Variants in ANK3 observed in about 807,000 individuals in gnomAD.
ANK3 encodes the protein ankyrin-3.
Under a neutral mutation model 370.9 loss-of-function variants are expected in ANK3, and 57 were observed. The observed-to-expected ratio is 0.15, with a 90% CI of 0.12 to 0.19. The LOEUF is 0.19. Ranked by LOEUF, ANK3 falls within the 10% of genes least tolerant of loss-of-function variation. ANK3 has a pLI of 1.00. For synonymous variants in ANK3, 1,929 were observed against 1,946.3 expected (o/e 0.99, Z 0.23); for missense variants, 4,439 against 5,302.1 (o/e 0.84, Z 5.06).
chr10:60,448,481 T>C (rs1443756592), intron 2 of ANK3, among the ~76,000 whole-genome samples: 3 of 152,236 alleles, frequency 2.0e-5, no homozygotes, highest in Non-Finnish European at 4.4e-5. Flanking sequence ...TGCATTTTAC[T>C]GACATTTATT....
intron 1 of ANK3, among the ~76,000 whole-genome samples, chr10:60,339,857 G>C (rs1391458918): frequency 6.6e-6 from 1 of 152,128 alleles, no homozygotes; most frequent in Non-Finnish European, 1.5e-5. Flanking sequence ...CTGTTTCCCA[G>C]CTCTCTGCCA....
rs534909222 is a variant in ANK3, at chr10:60,256,169, G to A, written c.798+5690C>T. On this transcript the variant is annotated intron_variant, in intron 7 of 43. Transcript: ENST00000280772. ...TCCTATTCAGCATTATAGCCTAGAT[G>A]CAGCTATGCTTTGGGGACTTACGGG... 2.0e-5 allele frequency among the ~76,000 whole-genome samples: 3 copies of A among 152,356 alleles called. No homozygotes were observed. In the South Asian group the frequency reaches 6.2e-4, roughly 32 times the overall value.
rs1266609015 is a variant in ANK3 at position 60,028,814 on chromosome 10, C to CAGAT, written c.*1028_*1031dup. 1 of 152,340 alleles carries CAGAT rather than the reference C, an allele frequency of 6.6e-6. No homozygotes were observed. The highest frequency in any genetic ancestry group is 1.9e-4 in the East Asian group (1 of 5,174). The allele number at this position is 152,340 out of a possible 1,614,324, so 9.4% of individuals were successfully genotyped here. On this transcript the variant is annotated 3_prime_UTR_variant, in exon 44 of 44. Transcript: ENST00000280772. Reference sequence around the variant, plus strand: ...GCATTTACCCCCTTTTAAGCACTAACAGATAGCATCCCCCCACCCCCTAAA... The same window carrying CAGAT: ...GCATTTACCCCCTTTTAAGCACTAACAGATAGATAGCATCCCCCCACCCCCTAAA...
intron 1 of ANK3, among the ~76,000 whole-genome samples, chr10:60,384,391 G>A (rs552698525): frequency 1.3e-5 from 2 of 152,176 alleles, no homozygotes; most frequent in Admixed American, 6.5e-5. Flanking sequence ...AAAGCCTGTC[G>A]TTTAAAGTTT....
At chr10:60,103,558 T>C (rs2091680240) in intron 28 of ANK3, among the ~76,000 whole-genome samples, 1 of 151,960 alleles carries the variant, frequency 6.6e-6, no homozygotes, top group African/African-American at 2.4e-5. Context: ...TTTGGGGATA[T>C]GAAAAGAGTG....
At chr10:60,688,453 CTA>C (rs1443850583) in intron 1 of ANK3, among the ~76,000 whole-genome samples, 2 of 152,172 alleles carry the variant, frequency 1.3e-5, no homozygotes, top group Non-Finnish European at 2.9e-5. Context: ...AATCAATACT[CTA>C]TTGTACACTT....
At chr10:60,286,525 C>A (rs1453572351) in intron 1 of ANK3, among the ~76,000 whole-genome samples, 1 of 152,104 alleles carries the variant, frequency 6.6e-6, no homozygotes, top group African/African-American at 2.4e-5. Flanking sequence ...AGTTTGGACC[C>A]TCTATGAAAG....
At chr10:60,548,300 C>CTCCCAGGT (rs1170623200) in intron 2 of ANK3, among the ~76,000 whole-genome samples, 3 of 148,326 alleles carry the variant, frequency 2.0e-5, no homozygotes, top group East Asian at 2.0e-4. Flanking sequence ...CAACTTCTGC[C>CTCCCAGGT]TCCCAGGTTC....
chr10:60,066,303 C>G (rs2081621965), intron 38 of ANK3, among the ~76,000 whole-genome samples: 1 of 152,104 alleles, frequency 6.6e-6, no homozygotes, highest in African/African-American at 2.4e-5. Context: ...AAAATTTACT[C>G]TGACTGTATT....
At chr10:60,194,736 CA>C (rs1187386015) in intron 16 of ANK3, among the ~76,000 whole-genome samples, 1 of 152,026 alleles carries the variant, frequency 6.6e-6, no homozygotes, top group Non-Finnish European at 1.5e-5. Flanking sequence ...TTTATCAAGT[CA>C]CATTGTGGTT....
At chr10:60,195,396 A>G (rs1452570633) in intron 16 of ANK3, among the ~76,000 whole-genome samples, 2 of 151,964 alleles carry the variant, frequency 1.3e-5, no homozygotes, top group Non-Finnish European at 2.9e-5. Flanking sequence ...TCCAAAAAAA[A>G]AAAAAAAAAA....
chr10:60,559,999 C>T (rs757476254), intron 2 of ANK3, among the ~76,000 whole-genome samples: 9 of 151,996 alleles, frequency 5.9e-5, no homozygotes, highest in Middle Eastern at 3.4e-3. Context: ...CCCAAAATCA[C>T]GCCACTGCAC....
chr10:60,339,967 C>T (rs555079438), intron 1 of ANK3, among the ~76,000 whole-genome samples: 19 of 152,320 alleles, frequency 1.2e-4, no homozygotes, highest in Non-Finnish European at 2.2e-4. Context: ...CAGATTGATG[C>T]CTCCCTTGAA....
intron 42 of ANK3, chr10:60,053,791 G>C: frequency 7.9e-7 from 1 of 1,266,074 alleles, no homozygotes; most frequent in South Asian, 1.3e-5. Context: ...GACCTAGTTG[G>C]TTGCTATTAT....
At chr10:60,600,746 G>T (rs1478491330) in intron 2 of ANK3, among the ~76,000 whole-genome samples, 1 of 152,076 alleles carries the variant, frequency 6.6e-6, no homozygotes, top group African/African-American at 2.4e-5. Flanking sequence ...TGTAACATTT[G>T]ATTAGATATT....
chr10:60,702,193 G>A (rs1029617653), intron 1 of ANK3, among the ~76,000 whole-genome samples: 3 of 151,896 alleles, frequency 2.0e-5, no homozygotes, highest in African/African-American at 7.3e-5. Context: ...TTGAGCCCAG[G>A]AGGGTGAGGC....
intron 2 of ANK3, among the ~76,000 whole-genome samples, chr10:60,438,088 C>A (rs2064202836): frequency 1.3e-5 from 2 of 152,082 alleles, no homozygotes; most frequent in African/African-American, 4.8e-5. Flanking sequence ...TTCATGCTGA[C>A]CCTTATGTAT....
chr10:60,322,900 G>C (rs1455026236), intron 1 of ANK3, among the ~76,000 whole-genome samples: 2 of 152,134 alleles, frequency 1.3e-5, no homozygotes, highest in Non-Finnish European at 2.9e-5. Flanking sequence ...ACCTGTAACT[G>C]GAAGAAGTTC....
intron 2 of ANK3, among the ~76,000 whole-genome samples, chr10:60,530,347 T>C (rs1890926): frequency 0.67 from 102,404 of 151,834 alleles, 35,003 homozygotes; most frequent in South Asian, 0.87. Context: ...ATCAAGAAAC[T>C]AAATTTAATG....
Sources: allele counts gnomAD v4.1 joint callset (sites outside exome capture counted in the v4.1 genomes callset), GRCh38; gene constraint gnomAD v4.1.1; transcripts MANE v1.5; gene names NCBI Gene and HGNC (gene_info 2026-07-23, HGNC 2026-07-21).